CCNB3: variants seen among roughly 807,000 people sequenced by gnomAD.
CCNB3 encodes the protein G2/mitotic-specific cyclin-B3.
In CCNB3, 12 loss-of-function variants were observed where a neutral mutation model predicts 68.0. The observed-to-expected ratio is 0.18, with a 90% confidence interval of 0.11 to 0.29. CCNB3 has a LOEUF of 0.29. Among genes scored for constraint, CCNB3 ranks in the 10% least tolerant of loss-of-function variants. CCNB3 has a pLI of 1.00. For synonymous variants in CCNB3, 354 were observed against 388.9 expected (o/e 0.91, Z 1.06); for missense variants, 904 against 993.1 (o/e 0.91, Z 1.21).
At chrX:50,332,531 G>T (rs1922647720) in intron 8 of CCNB3, among the ~76,000 whole-genome samples, 1 of 111,682 alleles carries the variant, frequency 9.0e-6, no homozygotes. Context: ...TCCTCCTCAT[G>T]CTTCGGCTGT....
At chrX:50,227,536 A>G (rs1258110733) in intron 1 of CCNB3, among the ~76,000 whole-genome samples, 2 of 68,191 alleles carry the variant, frequency 2.9e-5, no homozygotes, top group Non-Finnish European at 5.4e-5. Flanking sequence ...GAGAATATAT[A>G]TAAATATATA....
At chrX:50,299,002 G>A (rs1373464432) in intron 5 of CCNB3, among the ~76,000 whole-genome samples, 10 of 111,040 alleles carry the variant, frequency 9.0e-5, no homozygotes, top group East Asian at 8.4e-4. Context: ...TTTTTATTGC[G>A]TCTATTTGAT....
chrX:50,311,659 G>A (rs1342549278), intron 6 of CCNB3, among the ~76,000 whole-genome samples, 163 bp downstream of exon 6: 1 of 107,754 alleles, frequency 9.3e-6, no homozygotes, highest in Non-Finnish European at 1.9e-5. Context: ...GTTATTGAGA[G>A]TATCCCTCTA....
At chrX:50,215,362 G>A (rs2146980431) in intron 1 of CCNB3, among the ~76,000 whole-genome samples, 1 of 111,154 alleles carries the variant, frequency 9.0e-6, no homozygotes, top group Admixed American at 9.6e-5. Flanking sequence ...TGTGTTATGA[G>A]TTCAATTCTT....
intron 11 of CCNB3, among the ~76,000 whole-genome samples, chrX:50,350,877 A>T (rs1160077680): frequency 3.6e-5 from 4 of 109,753 alleles, no homozygotes; most frequent in South Asian, 4.0e-4. Context: ...AAATTTTTTT[A>T]AAAGAGATAG....
chrX:50,310,856 T>C lies in CCNB3; in HGVS notation c.2687T>C (p.Leu896Ser). 8.3e-7 allele frequency: 1 copy of C among 1,211,798 alleles called. No homozygotes were observed. The highest frequency in any genetic ancestry group is 1.8e-5 in the South Asian group (1 of 56,968). The change falls in exon 6 of 13, where the codon TTG becomes TCG. Residue 896 changes from leucine (L) to serine (S), a missense_variant. By Grantham distance (145) the Leu-to-Ser change is moderately radical. Transcript: ENST00000376042. Reference protein sequence around the residue: ...TEKETIFKESLDLQEKPSIKK... With the variant: ...TEKETIFKESSDLQEKPSIKK... ...AAGGAGACCATCTTCAAGGAGTCTT[T>C]GGACTTGCAAGAGAAGCCCAGCATT... is the stretch of plus-strand genomic sequence containing the variant.
chrX:50,226,147 T>C (rs1343759264), intron 1 of CCNB3, among the ~76,000 whole-genome samples: 1 of 75,634 alleles, frequency 1.3e-5, no homozygotes, highest in Non-Finnish European at 2.4e-5. Flanking sequence ...ATATATATTC[T>C]ATATATATGA....
rs782592145 is a variant in CCNB3, at chrX:50,347,673, C to T, written c.3858C>T (p.Cys1286=). Residue 1286 remains cysteine, a synonymous_variant, in exon 11 of 13, where the codon TGC becomes TGT. Transcript: ENST00000376042. ...CACTGACCTTGTCCCGCTACATCTG[C>T]GAGATGACCCTGCAGGAATACCACT... ...MKTLTLSRYI[C]EMTLQEYHYV... 2.6e-5 allele frequency: 31 copies of T among 1,207,817 alleles called. No individual in the cohort carries two copies. The highest frequency in any genetic ancestry group is 1.5e-4 in the Admixed American group (7 of 45,472).
intron 6 of CCNB3, 36 bp downstream of exon 6, chrX:50,311,532 T>C: frequency 9.8e-7 from 1 of 1,022,546 alleles, no homozygotes; most frequent in Non-Finnish European, 1.3e-6. Flanking sequence ...TTAGATAAAT[T>C]GTTCTTTGAT....
intron 5 of CCNB3, among the ~76,000 whole-genome samples, chrX:50,301,935 T>C (rs782800046): frequency 8.9e-6 from 1 of 112,639 alleles, no homozygotes; most frequent in Non-Finnish European, 1.9e-5. Context: ...CTCCGAGCCA[T>C]GTGCGGGATA....
intron 8 of CCNB3, among the ~76,000 whole-genome samples, chrX:50,329,189 C>T (rs183420087): frequency 2.7e-5 from 3 of 111,713 alleles, no homozygotes; most frequent in African/African-American, 9.8e-5. Context: ...TGGCCCCCTT[C>T]CCATAGCTCC....
At position 50,309,910 on chromosome X, in the gene CCNB3, C is replaced by A. The variant is rs782361087; in HGVS notation, c.1741C>A (p.Leu581Ile). ...GAACCCTACAACTGAGGAGACAGTA[C>A]TTACCAAGACATCGTTGTCTTTACA... ...RKNPTTEETV[L>I]TKTSLSLQEK... The change falls in exon 6 of 13, where the codon CTT (leucine) becomes ATT (isoleucine). Residue 581 changes from leucine to isoleucine, a missense_variant. Physicochemically the swap from Leu to Ile is conservative, Grantham distance 5 (BLOSUM62 2). Transcript: ENST00000376042. 13 of 1,209,021 alleles carry A rather than the reference C, an allele frequency of 1.1e-5. No individual in the cohort carries two copies. In the Admixed American group the frequency reaches 1.5e-4, roughly 14 times the overall value.
At chrX:50,304,024 C>T (rs782011079) in intron 5 of CCNB3, among the ~76,000 whole-genome samples, 1 of 111,340 alleles carries the variant, frequency 9.0e-6, no homozygotes, top group East Asian at 2.8e-4. Context: ...GTATTAGGAG[C>T]CTTAACTTCA....
chrX:50,306,603 T>A (rs1316351895), intron 5 of CCNB3, among the ~76,000 whole-genome samples: 2 of 111,765 alleles, frequency 1.8e-5, no homozygotes, highest in Non-Finnish European at 3.8e-5. Context: ...TTGCTTTGGG[T>A]TTTTTTGTAG....
At chrX:50,279,829 A>G (rs1936073438) in intron 1 of CCNB3, among the ~76,000 whole-genome samples, 4 of 88,356 alleles carry the variant, frequency 4.5e-5, no homozygotes, top group Admixed American at 3.2e-4. Flanking sequence ...ATTTATATAA[A>G]TACATATACT....
At chrX:50,227,659 A>T (rs937402371) in intron 1 of CCNB3, among the ~76,000 whole-genome samples, 1 of 2,494 alleles carries the variant, frequency 4.0e-4, no homozygotes, top group Non-Finnish European at 7.8e-4. Context: ...AATATATATA[A>T]AAATATATAT....
intron 1 of CCNB3, among the ~76,000 whole-genome samples, chrX:50,279,200 A>G (rs1379832938): frequency 3.6e-4 from 1 of 2,796 alleles, no homozygotes; most frequent in Non-Finnish European, 1.5e-3. Flanking sequence ...TCTATATATA[A>G]ATATATAGAG....
intron 1 of CCNB3, 110 bp from the exon 2 acceptor site, chrX:50,284,431 AC>A (rs766758646): frequency 1.8e-5 from 2 of 111,801 alleles, no homozygotes; most frequent in East Asian, 5.6e-4. Flanking sequence ...TTTAGTTCTC[AC>A]AGTTCTGGAG....
intron 5 of CCNB3, among the ~76,000 whole-genome samples, chrX:50,297,367 C>A (rs1317813440): frequency 1.8e-5 from 2 of 111,752 alleles, no homozygotes; most frequent in African/African-American, 6.5e-5. Context: ...GTTTTCCCAG[C>A]ACCATTTATT....
Sources: allele counts gnomAD v4.1 joint callset (sites outside exome capture counted in the v4.1 genomes callset), GRCh38; gene constraint gnomAD v4.1.1; transcripts MANE v1.5; gene names NCBI Gene and HGNC (gene_info 2026-07-23, HGNC 2026-07-21).